Variants in ZBTB46 observed in about 807,000 individuals in gnomAD.
ZBTB46 encodes the protein zinc finger and BTB domain-containing protein 46.
In ZBTB46, 8 loss-of-function variants were observed where a neutral mutation model predicts 44.1. That is an observed-to-expected ratio of 0.18 (90% CI 0.11 to 0.33). The LOEUF is 0.33. ZBTB46 is among the 10% of genes least tolerant of loss of function. The pLI is 1.00. For synonymous variants in ZBTB46, 409 were observed against 382.3 expected (o/e 1.07, Z -0.81); for missense variants, 651 against 847.7 (o/e 0.77, Z 2.88).
intron 3 of ZBTB46, among the ~76,000 whole-genome samples, chr20:63,755,740 A>G (rs1248484865): frequency 6.6e-6 from 1 of 152,222 alleles, no homozygotes; most frequent in Non-Finnish European, 1.5e-5. Context: ...TTTGTGATTT[A>G]CAGTCTATAT....
rs2092663616 is a variant in ZBTB46 at position 63,803,671 on chromosome 20, C to A, written c.-33-12881G>T. ...CTCCAGCCCGGCTCTGACGCCCAGGCCGCCTCCTCCGCCTTCCCGAACCTG... is the reference window on the plus strand; with the variant it reads ...CTCCAGCCCGGCTCTGACGCCCAGGACGCCTCCTCCGCCTTCCCGAACCTG... On this transcript the variant is annotated intron_variant, in intron 1 of 4. Transcript: ENST00000245663. This position sits in a 1 kb window ranked among gnomAD's most constrained non-coding sequence, Gnocchi z 4.0. Among the ~76,000 whole-genome samples the A allele has an allele frequency of 6.6e-6, 1 of 152,088 alleles. No individual in the cohort carries two copies. The highest frequency in any genetic ancestry group is 1.5e-5 in the Non-Finnish European group (1 of 68,012).
intron 4 of ZBTB46, among the ~76,000 whole-genome samples, chr20:63,748,832 C>T (rs1020964449): frequency 6.6e-6 from 1 of 152,250 alleles, no homozygotes; most frequent in East Asian, 1.9e-4. Flanking sequence ...ATTCCAAACT[C>T]ACCAGTTTTC....
chr20:63,816,171 G>A (rs1371104230), intron 1 of ZBTB46, among the ~76,000 whole-genome samples: 3 of 151,634 alleles, frequency 2.0e-5, no homozygotes, highest in African/African-American at 7.3e-5. Flanking sequence ...GGTGCGGTGG[G>A]CACAGATGCA....
chr20:63,772,966 C>T (rs2092389456), intron 3 of ZBTB46, among the ~76,000 whole-genome samples: 1 of 152,204 alleles, frequency 6.6e-6, no homozygotes, highest in African/African-American at 2.4e-5. Flanking sequence ...AACAGAAAAG[C>T]CCCGAGGAAG....
chr20:63,773,064 G>A (rs1456421269), intron 3 of ZBTB46, among the ~76,000 whole-genome samples: 1 of 152,152 alleles, frequency 6.6e-6, no homozygotes, highest in Non-Finnish European at 1.5e-5. Flanking sequence ...CAGCTCGTAT[G>A]CCACGGGTGA....
intron 2 of ZBTB46, among the ~76,000 whole-genome samples, chr20:63,784,469 T>A (rs1353878286): frequency 2.0e-5 from 3 of 152,186 alleles, no homozygotes; most frequent in Non-Finnish European, 4.4e-5. Context: ...AACACACAGA[T>A]CCTCCTGTAG....
intron 1 of ZBTB46, among the ~76,000 whole-genome samples, chr20:63,819,630 T>G (rs1176859052): frequency 1.3e-5 from 2 of 152,014 alleles, no homozygotes; most frequent in African/African-American, 2.4e-5. Flanking sequence ...AGACCAGAGG[T>G]AAACGGATTA....
At chr20:63,784,487 G>A (rs890876049) in intron 2 of ZBTB46, among the ~76,000 whole-genome samples, 4 of 152,208 alleles carry the variant, frequency 2.6e-5, no homozygotes, top group Admixed American at 1.3e-4. Context: ...TAGCAGCACC[G>A]CTTAGGCATG....
chr20:63,759,953 A>C (rs993010568), intron 3 of ZBTB46, among the ~76,000 whole-genome samples: 4 of 152,156 alleles, frequency 2.6e-5, no homozygotes, highest in African/African-American at 7.2e-5. Flanking sequence ...ATTGATTCCA[A>C]ACACTCACTT....
intron 1 of ZBTB46, among the ~76,000 whole-genome samples, chr20:63,806,883 C>T (rs1270504465): frequency 1.3e-5 from 2 of 151,096 alleles, no homozygotes; most frequent in Non-Finnish European, 3.0e-5. Context: ...CCCAGGTTCA[C>T]GCCATTCTCC....
intron 1 of ZBTB46, among the ~76,000 whole-genome samples, chr20:63,804,039 A>G (rs1479371758): frequency 6.6e-6 from 1 of 152,104 alleles, no homozygotes; most frequent in African/African-American, 2.4e-5. Flanking sequence ...GCCAGAGCCC[A>G]GCACGCTTCC....
intron 1 of ZBTB46, among the ~76,000 whole-genome samples, chr20:63,809,564 C>A (rs73143572): frequency 6.6e-6 from 1 of 152,220 alleles, no homozygotes. Context: ...CCTCTTCTCC[C>A]TTACGAAGTT....
intron 1 of ZBTB46, chr20:63,808,066 G>A (rs1568893783): frequency 9.1e-6 from 1 of 109,730 alleles, no homozygotes; most frequent in Non-Finnish European, 1.8e-5. Flanking sequence ...CTTCCCACAG[G>A]GGACACTCAC....
At chr20:63,756,414 G>T (rs999101824) in intron 3 of ZBTB46, among the ~76,000 whole-genome samples, 1 of 152,200 alleles carries the variant, frequency 6.6e-6, no homozygotes, top group Non-Finnish European at 1.5e-5. Context: ...AATTGGTCTG[G>T]ATATAATTTT....
At chr20:63,779,580 C>T (rs1224003774) in intron 2 of ZBTB46, among the ~76,000 whole-genome samples, 1 of 152,094 alleles carries the variant, frequency 6.6e-6, no homozygotes, top group Non-Finnish European at 1.5e-5. Flanking sequence ...GCCACCACAC[C>T]TGGCTAATTT....
intron 1 of ZBTB46, among the ~76,000 whole-genome samples, chr20:63,825,591 C>T (rs2092815624): frequency 6.6e-6 from 1 of 152,118 alleles, no homozygotes; most frequent in South Asian, 2.1e-4. Context: ...TGCTCCACTT[C>T]TCAGCCTCTG....
At chr20:63,820,870 A>AG (rs1231199973) in intron 1 of ZBTB46, among the ~76,000 whole-genome samples, 2 of 151,444 alleles carry the variant, frequency 1.3e-5, no homozygotes, top group East Asian at 3.9e-4. Flanking sequence ...CTGGGACTAC[A>AG]GGTGTCTGCC....
chr20:63,755,108 G>A (rs899042399), intron 3 of ZBTB46, among the ~76,000 whole-genome samples: 1 of 152,224 alleles, frequency 6.6e-6, no homozygotes, highest in Non-Finnish European at 1.5e-5. Context: ...ATAACCCCGT[G>A]AGAATAAACG....
chr20:63,805,647 G>A (rs1473511547), intron 1 of ZBTB46, among the ~76,000 whole-genome samples: 1 of 152,174 alleles, frequency 6.6e-6, no homozygotes, highest in Non-Finnish European at 1.5e-5. Context: ...TCCAGCGCTG[G>A]ACTCTGGAAC....
Sources: allele counts gnomAD v4.1 joint callset (sites outside exome capture counted in the v4.1 genomes callset), GRCh38; gene constraint gnomAD v4.1.1; non-coding constraint Gnocchi (gnomAD v3.1); transcripts MANE v1.5; gene names NCBI Gene and HGNC (gene_info 2026-07-23, HGNC 2026-07-21).